CFAP52: variants seen among roughly 807,000 people sequenced by gnomAD.
CFAP52 encodes cilia and flagella associated protein 52.
Under a neutral mutation model 70.5 loss-of-function variants are expected in CFAP52, and 57 were observed. That is an observed-to-expected ratio of 0.81 (90% confidence interval 0.65 to 1.01). The LOEUF (loss-of-function observed/expected upper bound fraction) is 1.01. Ranked by LOEUF, CFAP52 falls within the 50% of genes least tolerant of loss-of-function variation. CFAP52 has a pLI of 0.00. For synonymous variants in CFAP52, 267 were observed against 292.5 expected (o/e 0.91, Z 0.89); for missense variants, 785 against 788.5 (o/e 1.00, Z 0.05).
intron 9 of CFAP52, among the ~76,000 whole-genome samples, chr17:9,631,653 G>T (rs1378146048): frequency 6.6e-6 from 1 of 152,034 alleles, no homozygotes; most frequent in African/African-American, 2.4e-5. Flanking sequence ...GCCAGTAAAA[G>T]AAGTTAAAAG....
At chr17:9,633,152 G>A (rs1168611934) in intron 10 of CFAP52, 119 bp downstream of exon 10, 41 of 1,229,930 alleles carry the variant, frequency 3.3e-5, no homozygotes, top group Non-Finnish European at 4.5e-5. Flanking sequence ...GGACCAAATT[G>A]ACATTTTGAT....
chr17:9,598,356 A>C, intron 5 of CFAP52, 23 bp downstream of exon 5: 2 of 1,585,916 alleles, frequency 1.3e-6, no homozygotes, highest in Non-Finnish European at 1.7e-6. Context: ...TTAAGTATTA[A>C]GTAACAATTA....
intron 8 of CFAP52, among the ~76,000 whole-genome samples, chr17:9,626,284 T>C (rs1405570398): frequency 1.3e-5 from 2 of 152,304 alleles, no homozygotes; most frequent in African/African-American, 4.8e-5. Context: ...GGCTGGAGTG[T>C]AATGGCATGA....
At chr17:9,640,132 T>C (rs1353348306) in intron 12 of CFAP52, among the ~76,000 whole-genome samples, 3 of 151,626 alleles carry the variant, frequency 2.0e-5, no homozygotes, top group Admixed American at 2.0e-4. Context: ...CCTGGCAGAG[T>C]GACTGGAACA....
At chr17:9,611,166 C>G (rs1374016465) in intron 7 of CFAP52, among the ~76,000 whole-genome samples, 1 of 152,132 alleles carries the variant, frequency 6.6e-6, no homozygotes, top group Non-Finnish European at 1.5e-5. Flanking sequence ...TGCACAAGAA[C>G]CTGCGTTGAA....
intron 8 of CFAP52, among the ~76,000 whole-genome samples, chr17:9,612,808 T>A (rs1489958316): frequency 2.6e-5 from 4 of 152,248 alleles, no homozygotes; most frequent in South Asian, 4.1e-4. Context: ...TGATTTTTTT[T>A]ATTTTATGAT....
Position 9,633,675 on chromosome 17 carries a change from CTTTTTT to C in CFAP52, c.1320+653_1320+658del, listed in dbSNP as rs555923244. Among the ~76,000 whole-genome samples the C allele has an allele frequency of 3.2e-3, 443 of 138,540 alleles. 5 individuals are homozygous for C. The highest frequency in any genetic ancestry group is 0.012 in the Middle Eastern group (3 of 258). The allele number at this position is 138,540 out of a possible 152,430, so 90.9% of individuals were successfully genotyped here. On this transcript the variant is annotated intron_variant, in intron 10 of 13. Transcript: ENST00000352665. ...GTGGTTGTACGAATTGTCATCTTAT[CTTTTTT>C]TTTTTTTTTTAGACGGACAGAGTCT...
At chr17:9,623,914 T>C (rs1230472825) in intron 8 of CFAP52, among the ~76,000 whole-genome samples, 1 of 152,214 alleles carries the variant, frequency 6.6e-6, no homozygotes, top group Non-Finnish European at 1.5e-5. Flanking sequence ...ATCTCAGTTT[T>C]TATTTATCTG....
At chr17:9,628,513 C>T (rs970449384) in intron 8 of CFAP52, among the ~76,000 whole-genome samples, 159 bp from the exon 9 acceptor site, 19 of 151,730 alleles carry the variant, frequency 1.3e-4, no homozygotes, top group Admixed American at 3.3e-4. Flanking sequence ...CTCCTGACCT[C>T]GTGATCCACC....
chr17:9,606,505 G>A (rs997047424), intron 6 of CFAP52, among the ~76,000 whole-genome samples: 4 of 152,034 alleles, frequency 2.6e-5, no homozygotes, highest in South Asian at 2.1e-4. Context: ...CTTCATAAAC[G>A]CCTAATGAGA....
intron 8 of CFAP52, among the ~76,000 whole-genome samples, chr17:9,627,403 C>T (rs1265533642): frequency 3.9e-5 from 6 of 152,022 alleles, no homozygotes; most frequent in African/African-American, 9.7e-5. Context: ...CCCAGCTACT[C>T]GGGAGGCTGA....
In CFAP52 at chr17:9,598,246, A is replaced by G. The variant is rs1218638121; in HGVS notation, c.549A>G (p.Arg183=). The change falls in exon 5 of 14, where the codon CGA becomes CGG. Residue 183 remains arginine, a synonymous_variant. Transcript: ENST00000352665. The stretch of plus-strand genomic sequence containing the variant: ...TTTTTTTACATAGTGGGACAATTCG[A>G]GTATGGGAATTGGATCTTCCAAATA... ...MFMTAGNGTI[R]VWELDLPNRK... is the part of the protein sequence containing the mutation. 6.2e-7 allele frequency: 1 copy of G among 1,610,066 alleles called. No individual in the cohort carries two copies. Among genetic ancestry groups the G allele is most frequent in the South Asian group, 1.1e-5 (1 of 90,716 alleles).
chr17:9,628,649 A>C, intron 8 of CFAP52, 23 bp from the exon 9 acceptor site: 6 of 1,603,346 alleles, frequency 3.7e-6, no homozygotes, highest in Non-Finnish European at 4.3e-6. Flanking sequence ...TTATGGTTGC[A>C]TCTCTTGATG....
chr17:9,581,346 A>T (rs967180691), intron 1 of CFAP52, among the ~76,000 whole-genome samples: 1 of 152,222 alleles, frequency 6.6e-6, no homozygotes, highest in Non-Finnish European at 1.5e-5. Flanking sequence ...AATAATTTTT[A>T]AAATTATATT....
At chr17:9,594,943 T>G (rs1908933980) in intron 4 of CFAP52, among the ~76,000 whole-genome samples, 1 of 147,278 alleles carries the variant, frequency 6.8e-6, no homozygotes, top group Non-Finnish European at 1.5e-5. Flanking sequence ...CAGGCTGTAG[T>G]GCGGTGGCAT....
chr17:9,631,028 A>AGAGAGAGAGAG lies in CFAP52; in HGVS notation c.1175-1860_1175-1859insGAGAGAGAGAG, dbSNP rs1910479353. Among the ~76,000 whole-genome samples, 8 of 44,732 alleles carry AGAGAGAGAGAG rather than the reference A, an allele frequency of 1.8e-4. 1 individual carries two copies. The highest frequency in any genetic ancestry group is 9.7e-4 in the African/African-American group (8 of 8,234). 29.3% of individuals were successfully genotyped at this position (44,732 alleles called of 152,430 possible). A position where few individuals can be genotyped will look rare whatever the true frequency, so the allele number is the denominator to read the frequency against. ...AAAGAAAGAAAGAAAGAAAGAAAGA[A>AGAGAGAGAGAG]AGAGAGAGAGAGAGAGAGAGAGAGA... is the stretch of plus-strand genomic sequence containing the variant. On this transcript the variant is annotated intron_variant, in intron 9 of 13. Transcript: ENST00000352665.
intron 1 of CFAP52, among the ~76,000 whole-genome samples, chr17:9,579,516 A>C (rs559345009): frequency 1.3e-5 from 2 of 152,290 alleles, no homozygotes; most frequent in South Asian, 4.1e-4. Flanking sequence ...AACAAAAGCA[A>C]GGCCCCTTTT....
At chr17:9,588,962 G>A (rs531364115) in intron 3 of CFAP52, among the ~76,000 whole-genome samples, 90 of 152,096 alleles carry the variant, frequency 5.9e-4, no homozygotes, top group African/African-American at 2.0e-3. Flanking sequence ...AATTAGCCAG[G>A]CATAGTGCCG....
chr17:9,602,924 G>A (rs1227851517), intron 6 of CFAP52, among the ~76,000 whole-genome samples: 2 of 152,130 alleles, frequency 1.3e-5, no homozygotes, highest in African/African-American at 4.8e-5. Context: ...CTTTTGAGAA[G>A]TGTGTGTTCA....
Sources: gnomAD v4.1 joint callset for allele counts (sites outside exome capture counted in the v4.1 genomes callset) on GRCh38, gnomAD v4.1.1 for gene constraint, MANE v1.5 for transcripts, NCBI Gene and HGNC (gene_info 2026-07-23, HGNC 2026-07-21) for gene names.